PLOD1: variants seen among roughly 807,000 people sequenced by gnomAD.
PLOD1 encodes lysine hydroxylase.
Under a neutral mutation model 94.7 loss-of-function variants are expected in PLOD1, and 70 were observed. The ratio of observed to expected loss-of-function variants is 0.74; its 90% CI spans 0.61 to 0.90. The LOEUF (loss-of-function observed/expected upper bound fraction) is 0.90, where lower values mean the gene tolerates loss of function less well. Ranked by LOEUF, PLOD1 falls within the 40% of genes least tolerant of loss-of-function variation. The probability of loss-of-function intolerance (pLI) is 0.00; values close to 1 mark genes in which losing one functional copy is unlikely to be tolerated. For missense variants in PLOD1, 905 were observed against 972.7 expected (o/e 0.93, Z 0.93); for synonymous variants, 417 against 400.2 (o/e 1.04, Z -0.50).
In PLOD1 at chr1:11,974,748, T is replaced by C. The variant is rs879690; in HGVS notation, c.2124T>C (p.His708=). Residue 708 remains histidine, a synonymous_variant, in exon 19 of 19, where the codon CAT becomes CAC. Transcript: ENST00000196061. ...ACCCTGGACGACTCACGCATTACCA[T>C]GAGGGGCTCCCCACCACCAGGGGCA... ...LMHPGRLTHY[H]EGLPTTRGTR... is the part of the protein sequence containing the mutation. 21,259 of 1,613,982 alleles carry C rather than the reference T, an allele frequency of 0.013. 870 individuals are homozygous for C. In the African/African-American group the frequency reaches 0.14, roughly 11 times the overall value.
chr1:11,944,723 C>T (rs1482612244), intron 1 of PLOD1: 19 of 1,193,484 alleles, frequency 1.6e-5, no homozygotes, highest in Admixed American at 2.7e-5. Flanking sequence ...CCCCCAGCAC[C>T]GCAGCTAATC....
Position 11,970,058 on chromosome 1 carries a change from T to G in PLOD1, c.1756-612T>G, listed in dbSNP as rs528324485. ...GAGTTCGAGACCAGCCTGGCCAACA[T>G]GATGAAACCCCATCTCTACTAAAAA... On this transcript the variant is annotated intron_variant, in intron 16 of 18. Transcript: ENST00000196061. Among the ~76,000 whole-genome samples the G allele has an allele frequency of 1.6e-4, 24 of 147,898 alleles. No individual in the cohort carries two copies. In the South Asian group the frequency reaches 5.1e-3, roughly 32 times the overall value.
Position 11,967,094 on chromosome 1 carries a change from G to A in PLOD1, c.1755+3G>A, listed in dbSNP as rs757910437. Reference sequence around the variant, plus strand: ...AGTGGTCTCTGGGCAACAACAAGGTGGGACCCTGATGCCTGGGCTGGGGCC... The same window carrying A: ...AGTGGTCTCTGGGCAACAACAAGGTAGGACCCTGATGCCTGGGCTGGGGCC... On this transcript the variant is annotated splice_donor_region_variant and intron_variant, in intron 16 of 18. Transcript: ENST00000196061. 1.3e-6 allele frequency: 2 copies of A among 1,591,210 alleles called. No homozygotes were observed. The highest frequency in any genetic ancestry group is 1.7e-6 in the Non-Finnish European group (2 of 1,159,094).
chr1:11,963,099 A>T lies in PLOD1; in HGVS notation c.1098-433A>T, dbSNP rs1253928347. On this transcript the variant is annotated intron_variant, in intron 10 of 18. Transcript: ENST00000196061. This position sits in a 1 kb window ranked among gnomAD's most constrained non-coding sequence, Gnocchi z 4.3. ...AAAAACATAAAGCTGTTCTTAGCCC[A>T]TGAGCTGTACAAAACCAGGCAGGGC... Among the ~76,000 whole-genome samples, 1 of 152,206 alleles carries T rather than the reference A, an allele frequency of 6.6e-6. No homozygotes were observed. The highest frequency in any genetic ancestry group is 1.5e-5 in the Non-Finnish European group (1 of 68,024).
rs113181131 is a variant in PLOD1, at chr1:11,940,553, A to G, written c.76+5698A>G. On this transcript the variant is annotated intron_variant, in intron 1 of 18. Coordinates refer to ENST00000196061, the MANE Select transcript of PLOD1 (RefSeq NM_000302.4). ...ATTATTCCCATTTTACAGATGAGAAAACTGAGGCACGGAGAGGCTAAATTC... is the reference window on the plus strand; with the variant it reads ...ATTATTCCCATTTTACAGATGAGAAGACTGAGGCACGGAGAGGCTAAATTC... Among the ~76,000 whole-genome samples the G allele has an allele frequency of 2.8e-3, 421 of 152,320 alleles. 2 individuals are homozygous for G. Among genetic ancestry groups the G allele is most frequent in the African/African-American group, 9.6e-3 (398 of 41,572 alleles).
rs1024420549 is a variant in PLOD1, at chr1:11,950,222, C to T, written c.303-135C>T. ...CTGCAGACAGAGACAGGTCCATTTC[C>T]CAGATGGTGGCCCAGGCTGGCGTGG... On this transcript the variant is annotated intron_variant, in intron 3 of 18. Coordinates refer to ENST00000196061, the MANE Select transcript of PLOD1 (RefSeq NM_000302.4). 9.1e-6 allele frequency: 8 copies of T among 877,134 alleles called. No homozygotes were observed. The African/African-American group carries it at 1.2e-4, about 13-fold the overall frequency. 54.3% of individuals were successfully genotyped at this position (877,134 alleles called of 1,614,324 possible). A position where few individuals can be genotyped will look rare whatever the true frequency, so the allele number is the denominator to read the frequency against.
At chr1:11,954,924 C>G in intron 6 of PLOD1, 31 bp downstream of exon 6, 1 of 1,532,464 alleles carries the variant, frequency 6.5e-7, no homozygotes, top group South Asian at 1.1e-5. Flanking sequence ...GGGGTGGATC[C>G]TCAGAGGGGT....
intron 5 of PLOD1, among the ~76,000 whole-genome samples, chr1:11,953,346 G>A (rs575736119): frequency 1.3e-5 from 2 of 150,646 alleles, no homozygotes; most frequent in Admixed American, 1.3e-4. Context: ...GTGAGCCACC[G>A]TGCCCGGCTG....
rs780519821 is a variant in PLOD1, at chr1:11,952,664, G to A, written c.508G>A (p.Glu170Lys). ...YAPNLSKLVA[E>K]WEGQDSDSDQ... is the part of the protein sequence containing the mutation. ...CCCCAACCTCAGCAAACTGGTGGCC[G>A]AGTGGGAGGGCCAGGACAGCGACAG... Residue 170 changes from glutamate to lysine, a missense_variant, in exon 5 of 19, where the codon GAG (glutamate) becomes AAG (lysine). Coordinates refer to ENST00000196061, the MANE Select transcript of PLOD1 (RefSeq NM_000302.4). 36 of 1,613,994 alleles carry A rather than the reference G, an allele frequency of 2.2e-5. No homozygotes were observed. The highest frequency in any genetic ancestry group is 3.1e-5 in the Non-Finnish European group (36 of 1,179,994).
At chr1:11,943,444 G>A (rs1645628578) in intron 1 of PLOD1, among the ~76,000 whole-genome samples, 1 of 151,910 alleles carries the variant, frequency 6.6e-6, no homozygotes. Flanking sequence ...TTACAGGCAT[G>A]TGCCACCACG....
intron 1 of PLOD1, among the ~76,000 whole-genome samples, chr1:11,938,717 G>A (rs1012396371): frequency 1.3e-5 from 2 of 152,086 alleles, no homozygotes; most frequent in African/African-American, 4.8e-5. Context: ...AGTGAGATGG[G>A]TGGGGTGCTG....
intron 9 of PLOD1, among the ~76,000 whole-genome samples, chr1:11,960,072 C>T (rs543915232): frequency 1.4e-4 from 22 of 151,932 alleles, no homozygotes; most frequent in African/African-American, 2.2e-4. Flanking sequence ...CGGGTTCAAG[C>T]AGTTCTCTGC....
At chr1:11,935,597 T>C (rs1363309357) in intron 1 of PLOD1, among the ~76,000 whole-genome samples, 2 of 151,962 alleles carry the variant, frequency 1.3e-5, no homozygotes, top group Non-Finnish European at 2.9e-5. Flanking sequence ...CTCGGCTTAC[T>C]GCAACCTCTG....
At position 11,934,809 on chromosome 1, in the gene PLOD1, G is replaced by C. The variant is rs886039113; in HGVS notation, c.30G>C (p.Leu10=). MRPLLLLAL[L]GWLLLAEAKG... is the part of the protein sequence containing the mutation. ...GGCCCCTGCTGCTACTGGCCCTGCT[G>C]GGCTGGCTGCTGCTGGCCGAAGCGA... Residue 10 remains leucine (L), a synonymous_variant, in exon 1 of 19, where the codon CTG becomes CTC. Transcript: ENST00000196061. The C allele has an allele frequency of 1.1e-5, 17 of 1,541,028 alleles. No homozygotes were observed. In the African/African-American group the frequency reaches 1.9e-4, roughly 17 times the overall value.
In PLOD1 at chr1:11,967,655, T is replaced by TAAAGAA. The variant is rs1645830918; in HGVS notation, c.1755+565_1755+566insAAGAAA. Among the ~76,000 whole-genome samples the TAAAGAA allele has an allele frequency of 2.5e-4, 28 of 112,754 alleles. 2 individuals are homozygous for TAAAGAA. The highest frequency in any genetic ancestry group is 8.4e-4 in the African/African-American group (26 of 30,850). 74.0% of individuals were successfully genotyped at this position (112,754 alleles called of 152,430 possible). A position where few individuals can be genotyped will look rare whatever the true frequency, so the allele number is the denominator to read the frequency against. On this transcript the variant is annotated intron_variant, in intron 16 of 18. Coordinates refer to ENST00000196061, the MANE Select transcript of PLOD1 (RefSeq NM_000302.4). Reference sequence around the variant, plus strand: ...TAGATTTTATTTATATATATATATATATATTTTTTTTAAATAATAGAGACG... The same window carrying TAAAGAA: ...TAGATTTTATTTATATATATATATATAAAGAAATATTTTTTTTAAATAATAGAGACG...
chr1:11,936,074 C>T (rs1219813823), intron 1 of PLOD1, among the ~76,000 whole-genome samples: 1 of 151,828 alleles, frequency 6.6e-6, no homozygotes, highest in Non-Finnish European at 1.5e-5. Flanking sequence ...GGTGATCAGC[C>T]CACCTTGGTC....
Position 11,965,543 on chromosome 1 carries a change from C to T in PLOD1, c.1534C>T (p.Arg512Cys), listed in dbSNP as rs138490756. 4.7e-3 allele frequency: 7,645 copies of T among 1,613,664 alleles called. 29 individuals carry two copies. Among genetic ancestry groups the T allele is most frequent in the Middle Eastern group, 0.011 (64 of 6,062 alleles). The stretch of plus-strand genomic sequence containing the variant: ...CCATCTGCTCTCCCTAGACAGCTAC[C>T]GCACCACCCACCTGCACAACGACCT... ...LGHLLSLDSY[R>C]TTHLHNDLWE... Residue 512 changes from arginine (R) to cysteine (C), a missense_variant, in exon 14 of 19, where the codon CGC becomes TGC. Physicochemically the swap from Arg to Cys is radical, Grantham distance 180. Transcript: ENST00000196061.
chr1:11,939,611 T>G (rs936434461), intron 1 of PLOD1, among the ~76,000 whole-genome samples: 2 of 152,080 alleles, frequency 1.3e-5, no homozygotes, highest in African/African-American at 4.8e-5. Flanking sequence ...CACATCATTC[T>G]TTTTCTTTTT....
Position 11,949,768 on chromosome 1 carries a change from T to C in PLOD1, c.169-5T>C. On this transcript the variant is annotated splice_region_variant and splice_polypyrimidine_tract_variant and intron_variant, in intron 2 of 18. Coordinates refer to ENST00000196061, the MANE Select transcript of PLOD1 (RefSeq NM_000302.4). ...AAGCCCGTGTTAAGGGGTGTTTCTCTCCAGGCGCTTGGCCTAGGGGAGGAC... is the reference window on the plus strand; with the variant it reads ...AAGCCCGTGTTAAGGGGTGTTTCTCCCCAGGCGCTTGGCCTAGGGGAGGAC... 6.2e-7 allele frequency: 1 copy of C among 1,613,904 alleles called. No homozygotes were observed. Among genetic ancestry groups the C allele is most frequent in the Non-Finnish European group, 8.5e-7 (1 of 1,179,932 alleles).
Sources: allele counts gnomAD v4.1 joint callset (sites outside exome capture counted in the v4.1 genomes callset), GRCh38; gene constraint gnomAD v4.1.1; non-coding constraint Gnocchi (gnomAD v3.1); transcripts MANE v1.5; gene names NCBI Gene and HGNC (gene_info 2026-07-23, HGNC 2026-07-21).